The following WWC1 variants were observed in gnomAD, a reference collection of about 807,000 sequenced individuals.
The protein encoded by WWC1 is WW and C2 domain containing 1.
Under a neutral mutation model 138.4 loss-of-function variants are expected in WWC1, and 55 were observed. The ratio of observed to expected loss-of-function variants is 0.40; its 90% CI spans 0.32 to 0.50. The LOEUF (loss-of-function observed/expected upper bound fraction) is 0.50, where lower values mean the gene tolerates loss of function less well. Ranked by LOEUF, WWC1 falls within the 20% of genes least tolerant of loss-of-function variation. WWC1 has a pLI of 0.72. For synonymous variants in WWC1, 524 were observed against 564.9 expected, an observed-to-expected ratio of 0.93 and a Z score of 1.03; for missense variants, 1,226 against 1,420.4, an observed-to-expected ratio of 0.86 and a Z score of 2.20.
intron 1 of WWC1, among the ~76,000 whole-genome samples, chr5:168,341,627 C>T (rs1271382964): frequency 6.6e-6 from 1 of 152,024 alleles, no homozygotes; most frequent in Non-Finnish European, 1.5e-5. Context: ...ATCTCCTCTC[C>T]TCTAGGTAGC....
chr5:168,455,804 T>TG (rs1183182973), intron 19 of WWC1, among the ~76,000 whole-genome samples: 2 of 152,166 alleles, frequency 1.3e-5, no homozygotes, highest in African/African-American at 2.4e-5. Flanking sequence ...TGCAACCACT[T>TG]GCTGAGATCA....
intron 1 of WWC1, among the ~76,000 whole-genome samples, chr5:168,339,774 C>T (rs532655721): frequency 2.7e-5 from 4 of 150,070 alleles, no homozygotes; most frequent in South Asian, 4.3e-4. Context: ...ACCCTCACAA[C>T]GAGACTATGA....
chr5:168,389,566 C>G (rs75732087), intron 3 of WWC1, among the ~76,000 whole-genome samples: 2,128 of 148,824 alleles, frequency 0.014, 59 homozygotes, highest in African/African-American at 0.049. Context: ...CTTTAAGTCT[C>G]AGAATCTTTA....
At chr5:168,374,786 C>T (rs746997260) in intron 2 of WWC1, among the ~76,000 whole-genome samples, 15 of 152,234 alleles carry the variant, frequency 9.9e-5, no homozygotes, top group Middle Eastern at 6.8e-3. Flanking sequence ...GACTTGTGAG[C>T]GACAAATGCC....
At chr5:168,422,884 G>A (rs1020515413) in intron 10 of WWC1, among the ~76,000 whole-genome samples, 1 of 151,972 alleles carries the variant, frequency 6.6e-6, no homozygotes, top group African/African-American at 2.4e-5. Flanking sequence ...GGTGGCTTAC[G>A]CCTGTAATCC....
intron 1 of WWC1, among the ~76,000 whole-genome samples, chr5:168,300,068 A>G (rs12522231): frequency 0.13 from 19,176 of 152,182 alleles, 1,671 homozygotes; most frequent in Non-Finnish European, 0.17. Context: ...TGAGGGCTAG[A>G]TCTGGGCAAA....
rs77974067 is a variant in WWC1 at position 168,357,175 on chromosome 5, T to C, written c.120-14249T>C. Among the ~76,000 whole-genome samples the C allele has an allele frequency of 9.5e-4, 144 of 152,184 alleles. No homozygotes were observed. The East Asian group carries it at 9.7e-3, about 10-fold the overall frequency. On this transcript the variant is annotated intron_variant, in intron 1 of 22. Coordinates refer to ENST00000265293, the MANE Select transcript of WWC1 (RefSeq NM_015238.3). ...CTGGGAATTCCAATGAGATCTTTCT[T>C]TCTTTGTTCTTTTGTGAGTTCATTT...
intron 19 of WWC1, among the ~76,000 whole-genome samples, chr5:168,459,621 C>T (rs1447752179): frequency 1.3e-5 from 2 of 152,184 alleles, no homozygotes; most frequent in Non-Finnish European, 2.9e-5. Context: ...TTTTACTATT[C>T]AGCGTCTGGT....
At chr5:168,457,772 A>C (rs553996060) in intron 19 of WWC1, among the ~76,000 whole-genome samples, 665 of 152,342 alleles carry the variant, frequency 4.4e-3, no homozygotes, top group Non-Finnish European at 7.3e-3. Context: ...TTATGCCTCC[A>C]CCAGGTTCCT....
At chr5:168,322,153 T>G (rs997707782) in intron 1 of WWC1, among the ~76,000 whole-genome samples, 20 of 152,202 alleles carry the variant, frequency 1.3e-4, no homozygotes, top group Admixed American at 3.3e-4. Flanking sequence ...TGTAACAGAT[T>G]GATGCAAATG....
chr5:168,428,251 GAGGAGCC>G, intron 12 of WWC1, 110 bp downstream of exon 12: 2 of 1,101,852 alleles, frequency 1.8e-6, no homozygotes, highest in Non-Finnish European at 2.6e-6. Context: ...CAGTGTGTGG[GAGGAGCC>G]CCAAGAGGGC....
At position 168,423,010 on chromosome 5, in the gene WWC1, G is replaced by A. The variant is rs186063504; in HGVS notation, c.1275-523G>A. On this transcript the variant is annotated intron_variant, in intron 10 of 22. Coordinates refer to ENST00000265293, the MANE Select transcript of WWC1 (RefSeq NM_015238.3). Reference sequence around the variant, plus strand: ...AAATACAAAAAATTAACCGGGCGTGGTGGCAGGTGCCTGTAGTCCCAGCCA... The same window carrying A: ...AAATACAAAAAATTAACCGGGCGTGATGGCAGGTGCCTGTAGTCCCAGCCA... Among the ~76,000 whole-genome samples the A allele has an allele frequency of 3.6e-3, 547 of 151,920 alleles. 6 individuals carry two copies. Among genetic ancestry groups the A allele is most frequent in the Non-Finnish European group, 4.3e-3 (292 of 67,932 alleles).
At chr5:168,358,956 G>A (rs760982718) in intron 1 of WWC1, among the ~76,000 whole-genome samples, 15 of 151,644 alleles carry the variant, frequency 9.9e-5, no homozygotes, top group Non-Finnish European at 1.6e-4. Context: ...TGCCCCTGTA[G>A]TTAATTTGTT....
chr5:168,342,702 G>A (rs1392209856), intron 1 of WWC1, among the ~76,000 whole-genome samples: 1 of 152,106 alleles, frequency 6.6e-6, no homozygotes, highest in Admixed American at 6.5e-5. Context: ...TTCATGGAAA[G>A]GGTAAGAACT....
intron 1 of WWC1, among the ~76,000 whole-genome samples, chr5:168,364,178 C>T (rs1232514534): frequency 6.6e-6 from 1 of 152,110 alleles, no homozygotes; most frequent in African/African-American, 2.4e-5. Flanking sequence ...AAGCAGGTTA[C>T]ATAACCCACC....
chr5:168,461,206 G>T (rs1168984453), intron 20 of WWC1, among the ~76,000 whole-genome samples: 2 of 152,168 alleles, frequency 1.3e-5, no homozygotes, highest in South Asian at 4.1e-4. Flanking sequence ...GCGTGTACCT[G>T]TAGTCCCAGG....
intron 1 of WWC1, among the ~76,000 whole-genome samples, chr5:168,351,096 G>A (rs571806625): frequency 4.0e-5 from 6 of 151,046 alleles, no homozygotes; most frequent in African/African-American, 9.7e-5. Flanking sequence ...GCAGTGAGCC[G>A]AGATCACGCC....
At chr5:168,413,192 C>G (rs1444228513) in intron 8 of WWC1, among the ~76,000 whole-genome samples, 1 of 152,166 alleles carries the variant, frequency 6.6e-6, no homozygotes, top group Non-Finnish European at 1.5e-5. Context: ...GCATCATATC[C>G]TCCCTGGGCA....
rs182045392 is a variant in WWC1, at chr5:168,308,523, A to G, written c.119+16252A>G. 3.9e-5 allele frequency among the ~76,000 whole-genome samples: 6 copies of G among 152,312 alleles called. No individual in the cohort carries two copies. The East Asian group carries it at 1.2e-3, about 29-fold the overall frequency. On this transcript the variant is annotated intron_variant, in intron 1 of 22. Coordinates refer to ENST00000265293, the MANE Select transcript of WWC1 (RefSeq NM_015238.3). The stretch of plus-strand genomic sequence containing the variant: ...AGGAGTTCATGGCACTTTATTGGCA[A>G]CAAGCAATGTTTTTTTCTTGACCTT...
Sources: gnomAD v4.1 joint callset for allele counts (sites outside exome capture counted in the v4.1 genomes callset) on GRCh38, gnomAD v4.1.1 for gene constraint, MANE v1.5 for transcripts, NCBI Gene and HGNC (gene_info 2026-07-23, HGNC 2026-07-21) for gene names.